LARS1: variants seen among roughly 807,000 people sequenced by gnomAD.
The protein encoded by LARS1 is leucine--tRNA ligase, cytoplasmic.
Under a neutral mutation model 162.8 loss-of-function variants are expected in LARS1, and 100 were observed. That is an observed-to-expected ratio of 0.61 (90% confidence interval 0.52 to 0.73). The LOEUF is 0.73. LARS1 is among the 30% of genes least tolerant of loss of function. The pLI is 0.00. For synonymous variants in LARS1, 457 were observed against 462.8 expected, an observed-to-expected ratio of 0.99 and a Z score of 0.16; for missense variants, 1,258 against 1,408.9, an observed-to-expected ratio of 0.89 and a Z score of 1.71.
chr5:146,122,465 T>C (rs1209085106), intron 30 of LARS1, 27 bp downstream of exon 30: 1 of 1,251,364 alleles, frequency 8.0e-7, no homozygotes, highest in Non-Finnish European at 1.2e-6. Context: ...TAAAATGCAA[T>C]GATTCAGTGA....
At chr5:146,174,505 T>TCA (rs370878443) in intron 2 of LARS1, among the ~76,000 whole-genome samples, 1 of 17,610 alleles carries the variant, frequency 5.7e-5, no homozygotes, top group African/African-American at 1.6e-4. Context: ...TATATCCATA[T>TCA]ATATATATAT....
In LARS1 at chr5:146,144,293, T is replaced by G; in HGVS notation, c.1712A>C (p.His571Pro). The part of the protein sequence containing the change: ...FEATLGWLQE[H>P]ACSRTYGLGT... ...TAGACCATAAGTTCTTGAGCAAGCA[T>G]GTTCTTGTAGCCAACCTAAGGTGGC... Residue 571 changes from histidine to proline, a missense_variant, in exon 18 of 32, where the codon CAT becomes CCT. Transcript: ENST00000394434. 1 of 1,612,894 alleles carries G rather than the reference T, an allele frequency of 6.2e-7. No homozygotes were observed. Among genetic ancestry groups the G allele is most frequent in the Non-Finnish European group, 8.5e-7 (1 of 1,179,710 alleles).
intron 4 of LARS1, among the ~76,000 whole-genome samples, chr5:146,170,559 C>T (rs1299080298): frequency 6.6e-6 from 1 of 151,866 alleles, no homozygotes; most frequent in East Asian, 1.9e-4. Flanking sequence ...GATAATATAA[C>T]ATCAATGTTG....
intron 22 of LARS1, among the ~76,000 whole-genome samples, chr5:146,134,466 T>G (rs1752423303): frequency 6.6e-6 from 1 of 152,130 alleles, no homozygotes; most frequent in African/African-American, 2.4e-5. Context: ...ACAAACTGAG[T>G]TAGCCATGAC....
chr5:146,178,838 C>T (rs1222246235), intron 1 of LARS1, among the ~76,000 whole-genome samples: 1 of 151,256 alleles, frequency 6.6e-6, no homozygotes, highest in Admixed American at 6.6e-5. Flanking sequence ...CTCATGTCTA[C>T]AATCCCAACA....
intron 31 of LARS1, among the ~76,000 whole-genome samples, chr5:146,114,604 T>C (rs968159740): frequency 1.3e-5 from 2 of 151,786 alleles, no homozygotes; most frequent in Non-Finnish European, 2.9e-5. Context: ...GGCCTGGTGA[T>C]GGGCGCCTGT....
chr5:146,121,750 C>T (rs969055076), intron 30 of LARS1, among the ~76,000 whole-genome samples: 2 of 152,162 alleles, frequency 1.3e-5, no homozygotes, highest in African/African-American at 4.8e-5. Context: ...ACTGCATGTT[C>T]TCACTCCCAA....
At position 146,180,326 on chromosome 5, in the gene LARS1, C is replaced by T. The variant is rs567092855; in HGVS notation, c.6+2162G>A. Among the ~76,000 whole-genome samples, 3 of 152,120 alleles carry T rather than the reference C, an allele frequency of 2.0e-5. No homozygotes were observed. The East Asian group carries it at 5.8e-4, about 29-fold the overall frequency. On this transcript the variant is annotated intron_variant, in intron 1 of 31. Coordinates refer to ENST00000394434, the MANE Select transcript of LARS1 (RefSeq NM_020117.11). ...GGTGGGCGGATCACTTGAGGTCAGG[C>T]GTTCAAGACCAGTCTGGCCAACATG...
At chr5:146,175,155 G>C (rs62373809) in intron 2 of LARS1, among the ~76,000 whole-genome samples, 1 of 151,810 alleles carries the variant, frequency 6.6e-6, no homozygotes, top group African/African-American at 2.4e-5. Flanking sequence ...GGAGACAGAG[G>C]TTGCAGTGAG....
intron 26 of LARS1, 25 bp from the exon 27 acceptor site, chr5:146,128,807 C>T: frequency 6.3e-7 from 1 of 1,577,492 alleles, no homozygotes; most frequent in Non-Finnish European, 8.6e-7. Flanking sequence ...AAAGGAAAAA[C>T]ATTCAATAGC....
Position 146,124,088 on chromosome 5 carries a change from T to C in LARS1, c.2992-2A>G. The C allele has an allele frequency of 6.3e-7, 1 of 1,590,244 alleles. No homozygotes were observed. On this transcript the variant is annotated splice_acceptor_variant, in intron 28 of 31. Transcript: ENST00000394434. LOFTEE classifies it high-confidence loss of function. Reference sequence around the variant, plus strand: ...AGGCCCCATCTTCTCCAGATTTTCCTAATAGCCAAAATGGTATGGAAAAAC... The same window carrying C: ...AGGCCCCATCTTCTCCAGATTTTCCCAATAGCCAAAATGGTATGGAAAAAC...
chr5:146,164,929 T>C (rs901827697), intron 5 of LARS1, among the ~76,000 whole-genome samples: 1 of 152,186 alleles, frequency 6.6e-6, no homozygotes, highest in African/African-American at 2.4e-5. Flanking sequence ...TGTAACACTA[T>C]AATGAGGCAG....
chr5:146,144,163 A>G (rs1752910041), intron 18 of LARS1, 104 bp downstream of exon 18: 3 of 822,668 alleles, frequency 3.6e-6, no homozygotes, highest in Non-Finnish European at 5.8e-6. Context: ...ACTGCTTTCA[A>G]TTCAGAAAAC....
At chr5:146,141,504 AAT>A (rs1418512522) in intron 20 of LARS1, among the ~76,000 whole-genome samples, 1 of 152,194 alleles carries the variant, frequency 6.6e-6, no homozygotes, top group East Asian at 1.9e-4. Context: ...CATTGTAAAC[AAT>A]AGAGAAAAAT....
At position 146,138,979 on chromosome 5, in the gene LARS1, G is replaced by T. The variant is rs111972032; in HGVS notation, c.2148+1225C>A. Reference sequence around the variant, plus strand: ...TGCTAAGGCTATTGGACACAGAATCGGAGTGATGCTGTACCCCTCAAGGAT... The same window carrying T: ...TGCTAAGGCTATTGGACACAGAATCTGAGTGATGCTGTACCCCTCAAGGAT... On this transcript the variant is annotated intron_variant, in intron 21 of 31. Transcript: ENST00000394434. 3.6e-3 allele frequency: 1,362 copies of T among 375,564 alleles called. 22 individuals carry two copies. Among genetic ancestry groups the T allele is most frequent in the African/African-American group, 0.028 (1,267 of 45,952 alleles). The allele number at this position is 375,564 out of a possible 1,614,324, so 23.3% of individuals were successfully genotyped here.
At chr5:146,167,325 A>G (rs568796376) in intron 5 of LARS1, among the ~76,000 whole-genome samples, 1 of 152,326 alleles carries the variant, frequency 6.6e-6, no homozygotes, top group African/African-American at 2.4e-5. Context: ...TTTAACATCT[A>G]TATACTATCT....
intron 8 of LARS1, among the ~76,000 whole-genome samples, chr5:146,159,091 G>A (rs1372553390): frequency 4.0e-5 from 6 of 149,578 alleles, no homozygotes; most frequent in South Asian, 4.2e-4. Flanking sequence ...GCAAGACTCC[G>A]TCTGAAAAAA....
At chr5:146,156,320 T>G (rs1213484989) in intron 10 of LARS1, among the ~76,000 whole-genome samples, 1 of 152,204 alleles carries the variant, frequency 6.6e-6, no homozygotes, top group Non-Finnish European at 1.5e-5. Flanking sequence ...TACTCATATT[T>G]TTCTTTTTAA....
chr5:146,123,522 TCATAATATATCATGAAC>T (rs1325383510), intron 29 of LARS1, among the ~76,000 whole-genome samples: 2 of 151,742 alleles, frequency 1.3e-5, no homozygotes, highest in Non-Finnish European at 1.5e-5. Context: ...ATGAACCAAA[TCATAATATATCATGAAC>T]CATAATATAT....
Sources: allele counts gnomAD v4.1 joint callset (sites outside exome capture counted in the v4.1 genomes callset), GRCh38; gene constraint gnomAD v4.1.1; transcripts MANE v1.5; gene names NCBI Gene and HGNC (gene_info 2026-07-23, HGNC 2026-07-21).